FAM3B: variants seen among roughly 807,000 people sequenced by gnomAD.
FAM3B encodes FAM3 metabolism regulating signaling molecule B, also known as protein FAM3B.
FAM3B carries 29 observed loss-of-function variants against 28.4 expected under a neutral mutation model. That is an observed-to-expected ratio of 1.02 (90% CI 0.76 to 1.39). The LOEUF (loss-of-function observed/expected upper bound fraction) is 1.39. Among genes scored for constraint, FAM3B ranks in the 40% most tolerant of loss-of-function variants. FAM3B has a pLI of 0.00. For missense variants in FAM3B, 266 were observed against 293.9 expected, an observed-to-expected ratio of 0.91 and a Z score of 0.69; for synonymous variants, 91 against 103.0, an observed-to-expected ratio of 0.88 and a Z score of 0.71.
intron 7 of FAM3B, among the ~76,000 whole-genome samples, chr21:41,351,984 T>TG (rs1435183348): frequency 6.6e-6 from 1 of 152,188 alleles, no homozygotes; most frequent in African/African-American, 2.4e-5. Context: ...CCCTGAACTG[T>TG]GGGTAGCGGA....
chr21:41,338,271 T>G, intron 2 of FAM3B, 107 bp from the exon 3 acceptor site: 1 of 1,381,992 alleles, frequency 7.2e-7, no homozygotes, highest in Non-Finnish European at 1.0e-6. Context: ...TTCCGACCGC[T>G]GCTTGGAGTT....
At chr21:41,313,956 C>G (rs1373157709), upstream of FAM3B, among the ~76,000 whole-genome samples, 1 of 152,122 alleles carries the variant, frequency 6.6e-6, no homozygotes, top group Admixed American at 6.5e-5. Context: ...AGTTTTTTCT[C>G]TAGGATCTAG....
intron 4 of FAM3B, 88 bp downstream of exon 4, chr21:41,344,622 C>T (rs371241483): frequency 2.5e-5 from 25 of 1,004,618 alleles, no homozygotes; most frequent in East Asian, 1.3e-4. Context: ...GACTTTTGCG[C>T]GTGATTTAGT....
chr21:41,348,480 T>G, intron 6 of FAM3B, 112 bp from the exon 7 acceptor site: 1 of 1,203,310 alleles, frequency 8.3e-7, no homozygotes, highest in Non-Finnish European at 1.2e-6. Flanking sequence ...AGGAGATGAA[T>G]GTGTTTAGAA....
chr21:41,350,968 G>C (rs1171251433), intron 7 of FAM3B, among the ~76,000 whole-genome samples: 1 of 152,192 alleles, frequency 6.6e-6, no homozygotes, highest in African/African-American at 2.4e-5. Context: ...CCCGGGCGTT[G>C]TGCCACACAG....
rs59821562 is a variant in FAM3B at position 41,357,190 on chromosome 21, G to A, written c.701G>A (p.Arg234Gln). Reference sequence around the variant, plus strand: ...ATAGAAGGCTGCATACCCAAAGAACGAAGCTGACACTGCAGGGTCCTGAGT... The same window carrying A: ...ATAGAAGGCTGCATACCCAAAGAACAAAGCTGACACTGCAGGGTCCTGAGT... ...IQIEGCIPKE[R>Q]S Residue 234 changes from arginine (R) to glutamine (Q), a missense_variant, in exon 8 of 8, where the codon CGA becomes CAA. Transcript: ENST00000357985. 2.3e-4 allele frequency: 378 copies of A among 1,610,970 alleles called. 1 individual carries two copies. In the East Asian group the frequency reaches 5.4e-3, roughly 23 times the overall value.
chr21:41,331,097 C>T (rs1370140480), intron 2 of FAM3B, among the ~76,000 whole-genome samples: 1 of 152,228 alleles, frequency 6.6e-6, no homozygotes, highest in African/African-American at 2.4e-5. Flanking sequence ...TTCACCAACA[C>T]TCATTATCTT....
chr21:41,357,018 G>A lies in FAM3B; in HGVS notation c.619-90G>A, dbSNP rs1601380390. 2.8e-5 allele frequency: 22 copies of A among 776,384 alleles called. 1 individual carries two copies. In the East Asian group the frequency reaches 5.9e-4, roughly 21 times the overall value. 48.1% of individuals were successfully genotyped at this position (776,384 alleles called of 1,614,324 possible). A position where few individuals can be genotyped will look rare whatever the true frequency, so the allele number is the denominator to read the frequency against. ...TTGGTTGGAGCAAATCCAAATCTAG[G>A]AAGTGGTTGTGTCGGCTCACAACTG... On this transcript the variant is annotated intron_variant, in intron 7 of 7. Coordinates refer to ENST00000357985, the MANE Select transcript of FAM3B (RefSeq NM_058186.4).
In FAM3B at chr21:41,339,385, T is replaced by G. The variant is rs2088983915; in HGVS notation, c.287+884T>G. The stretch of plus-strand genomic sequence containing the variant: ...TCTTTGTTCAGACTGAAATCAGCCA[T>G]TTCTCTAAAGAGAGAGTTCCTTAAT... On this transcript the variant is annotated intron_variant, in intron 3 of 7. Transcript: ENST00000357985. 3.3e-5 allele frequency among the ~76,000 whole-genome samples: 5 copies of G among 152,344 alleles called. No homozygotes were observed. In the South Asian group the frequency reaches 1.0e-3, roughly 32 times the overall value.
At chr21:41,330,145 A>AC (rs980481271) in intron 2 of FAM3B, among the ~76,000 whole-genome samples, 12 of 151,798 alleles carry the variant, frequency 7.9e-5, no homozygotes, top group Admixed American at 5.3e-4. Flanking sequence ...AAAAAAAAAA[A>AC]AAAAAACATA....
chr21:41,312,523 A>C (rs372509785), upstream of FAM3B, among the ~76,000 whole-genome samples: 1 of 152,212 alleles, frequency 6.6e-6, no homozygotes, highest in African/African-American at 2.4e-5. Context: ...GCTGGGCTGT[A>C]GTATAAATTG....
At chr21:41,314,670 G>A (rs919595880), upstream of FAM3B, among the ~76,000 whole-genome samples, 7 of 151,998 alleles carry the variant, frequency 4.6e-5, no homozygotes, top group African/African-American at 9.7e-5. Flanking sequence ...CAACAAGAGC[G>A]TGAAAAGATA....
chr21:41,320,787 G>T (rs1362295980), intron 1 of FAM3B: 1 of 152,314 alleles, frequency 6.6e-6, no homozygotes, highest in East Asian at 1.9e-4. Context: ...CTTCCTGGGA[G>T]TCCTGAAAAG....
At chr21:41,316,004 A>G (rs932380335), upstream of FAM3B, among the ~76,000 whole-genome samples, 2 of 152,176 alleles carry the variant, frequency 1.3e-5, no homozygotes, top group South Asian at 2.1e-4. Flanking sequence ...AAAAGTGACC[A>G]ACTGGGCTCG....
At chr21:41,323,576 T>G (rs897399727) in intron 2 of FAM3B, among the ~76,000 whole-genome samples, 3 of 152,230 alleles carry the variant, frequency 2.0e-5, no homozygotes, top group African/African-American at 4.8e-5. Flanking sequence ...CTTTCTGTCC[T>G]TCCCCACAAT....
rs553258147 is a variant in FAM3B, at chr21:41,345,641, A to C, written c.347-45A>C. The C allele has an allele frequency of 1.3e-4, 160 of 1,242,138 alleles. 1 individual carries two copies. The South Asian group carries it at 2.3e-3, about 18-fold the overall frequency. The allele number at this position is 1,242,138 out of a possible 1,614,324, so 76.9% of individuals were successfully genotyped here. ...GGCCCTGGTGCCACAAGTGCGCCCT[A>C]GTTCTGTGAACTTTCTTTTAAAATA... On this transcript the variant is annotated intron_variant, in intron 4 of 7. Coordinates refer to ENST00000357985, the MANE Select transcript of FAM3B (RefSeq NM_058186.4).
chr21:41,327,208 G>T (rs2088861911), intron 2 of FAM3B, among the ~76,000 whole-genome samples: 1 of 152,238 alleles, frequency 6.6e-6, no homozygotes, highest in African/African-American at 2.4e-5. Flanking sequence ...CGATATGTTT[G>T]CAGTCACAGC....
intron 2 of FAM3B, among the ~76,000 whole-genome samples, chr21:41,328,049 C>A (rs1402500747): frequency 6.6e-6 from 1 of 152,184 alleles, no homozygotes; most frequent in Non-Finnish European, 1.5e-5. Context: ...TTCTGAGACA[C>A]AATTCATAAG....
intron 1 of FAM3B, among the ~76,000 whole-genome samples, chr21:41,305,122 G>C (rs1342700320): frequency 6.6e-6 from 1 of 152,144 alleles, no homozygotes; most frequent in African/African-American, 2.4e-5. Context: ...GAGTTTCCAG[G>C]CTTGAACCTC....
Sources: allele counts gnomAD v4.1 joint callset (sites outside exome capture counted in the v4.1 genomes callset), GRCh38; gene constraint gnomAD v4.1.1; transcripts MANE v1.5; gene names NCBI Gene and HGNC (gene_info 2026-07-23, HGNC 2026-07-21).